The following CYP19A1 variants were observed in gnomAD, a reference collection of about 807,000 sequenced individuals.
The protein encoded by CYP19A1 is cytochrome P450 family 19 subfamily A member 1, also known as aromatase.
CYP19A1 carries 32 observed loss-of-function variants against 44.4 expected under a neutral mutation model. The observed-to-expected ratio is 0.72, with a 90% CI of 0.54 to 0.97. The LOEUF (loss-of-function observed/expected upper bound fraction) is 0.97. Among genes scored for constraint, CYP19A1 ranks in the 50% least tolerant of loss-of-function variants. The probability of loss-of-function intolerance (pLI) is 0.00; values close to 1 mark genes in which losing one functional copy is unlikely to be tolerated. For missense variants in CYP19A1, 598 were observed against 637.8 expected, an observed-to-expected ratio of 0.94 and a Z score of 0.67; for synonymous variants, 212 against 215.6, an observed-to-expected ratio of 0.98 and a Z score of 0.14.
At chr15:51,271,777 G>A (rs1433719376) in intron 1 of CYP19A1, among the ~76,000 whole-genome samples, 1 of 152,238 alleles carries the variant, frequency 6.6e-6, no homozygotes, top group Non-Finnish European at 1.5e-5. Context: ...GATTTCCAAA[G>A]ACTGATCTTC....
chr15:51,227,954 G>A, intron 3 of CYP19A1, 21 bp from the exon 4 acceptor site: 1 of 1,491,412 alleles, frequency 6.7e-7, no homozygotes, highest in South Asian at 1.1e-5. Flanking sequence ...AGGAAACTTT[G>A]GTGTCAATTT....
chr15:51,312,614 C>T (rs1191563120), intron 1 of CYP19A1: 3 of 152,310 alleles, frequency 2.0e-5, no homozygotes, highest in African/African-American at 2.4e-5. Flanking sequence ...GGCCAGGGGC[C>T]GATTATCCCA....
intron 1 of CYP19A1, among the ~76,000 whole-genome samples, chr15:51,334,931 A>T (rs566036994): frequency 1.3e-5 from 2 of 152,336 alleles, no homozygotes; most frequent in South Asian, 4.1e-4. Context: ...CTCTGGCCTG[A>T]CACAGGACAC....
At chr15:51,332,209 CCTT>C (rs746226638) in intron 1 of CYP19A1, among the ~76,000 whole-genome samples, 2 of 152,062 alleles carry the variant, frequency 1.3e-5, no homozygotes, top group South Asian at 2.1e-4. Flanking sequence ...TCTACCAGGT[CCTT>C]CTCCTTTTTG....
At chr15:51,219,228 A>C (rs993562136) in intron 5 of CYP19A1, among the ~76,000 whole-genome samples, 1 of 152,218 alleles carries the variant, frequency 6.6e-6, no homozygotes, top group African/African-American at 2.4e-5. Context: ...ATTTATATTC[A>C]GTCCAGAGTG....
At position 51,292,779 on chromosome 15, in the gene CYP19A1, G is replaced by T. The variant is rs541987571; in HGVS notation, c.-39+45716C>A. On this transcript the variant is annotated intron_variant, in intron 1 of 9. Coordinates refer to ENST00000396402, the MANE Select transcript of CYP19A1 (RefSeq NM_000103.4). ...GGTCCTGCCTATACATTTACACTGG[G>T]GGAAGGTCGGGGTCCTTCTTCATGG... is the stretch of plus-strand genomic sequence containing the variant. Among the ~76,000 whole-genome samples, 10 of 152,118 alleles carry T rather than the reference G, an allele frequency of 6.6e-5. No homozygotes were observed. In the East Asian group the frequency reaches 1.9e-3, roughly 29 times the overall value.
At chr15:51,273,767 A>G (rs2035208288) in intron 1 of CYP19A1, among the ~76,000 whole-genome samples, 1 of 152,146 alleles carries the variant, frequency 6.6e-6, no homozygotes, top group Non-Finnish European at 1.5e-5. Context: ...GCACTTTGGG[A>G]GGCCAAGGTG....
intron 1 of CYP19A1, among the ~76,000 whole-genome samples, chr15:51,322,386 C>T (rs905492102): frequency 2.6e-5 from 4 of 152,178 alleles, no homozygotes; most frequent in East Asian, 3.8e-4. Flanking sequence ...AAATTAATAG[C>T]GAGTCACTTT....
chr15:51,245,258 C>T (rs2033997719), intron 1 of CYP19A1, among the ~76,000 whole-genome samples: 1 of 152,198 alleles, frequency 6.6e-6, no homozygotes, highest in African/African-American at 2.4e-5. Context: ...TTCTCATCTT[C>T]CTCAAAAGTA....
chr15:51,241,862 C>G (rs138123227), intron 2 of CYP19A1, among the ~76,000 whole-genome samples: 200 of 152,216 alleles, frequency 1.3e-3, no homozygotes, highest in African/African-American at 4.4e-3. Flanking sequence ...TTGTGCTAGC[C>G]CCATGCTCCC....
At chr15:51,305,450 G>A (rs1295724430) in intron 1 of CYP19A1, among the ~76,000 whole-genome samples, 1 of 152,190 alleles carries the variant, frequency 6.6e-6, no homozygotes, top group Non-Finnish European at 1.5e-5. Context: ...ACAGGGATGT[G>A]GGATGATGGC....
intron 1 of CYP19A1, among the ~76,000 whole-genome samples, chr15:51,273,931 C>T (rs958975556): frequency 2.0e-4 from 31 of 152,184 alleles, no homozygotes; most frequent in African/African-American, 5.1e-4. Context: ...TGCTTGAACC[C>T]GAGAGACGGA....
At chr15:51,326,679 C>T (rs2036613089) in intron 1 of CYP19A1, among the ~76,000 whole-genome samples, 1 of 152,022 alleles carries the variant, frequency 6.6e-6, no homozygotes, top group South Asian at 2.1e-4. Context: ...TTTTTAAATT[C>T]ATTGGCCAGT....
At chr15:51,274,798 T>A (rs1400097800) in intron 1 of CYP19A1, among the ~76,000 whole-genome samples, 1 of 151,984 alleles carries the variant, frequency 6.6e-6, no homozygotes, top group African/African-American at 2.4e-5. Context: ...AGAAGAAGAT[T>A]TTTTTTTAAT....
At chr15:51,267,986 A>C (rs1353630731) in intron 1 of CYP19A1, among the ~76,000 whole-genome samples, 3 of 152,180 alleles carry the variant, frequency 2.0e-5, no homozygotes, top group Admixed American at 2.0e-4. Flanking sequence ...GATAAATATG[A>C]AAGCAAAGTA....
chr15:51,213,930 A>T (rs960278430), intron 8 of CYP19A1, among the ~76,000 whole-genome samples: 2 of 152,208 alleles, frequency 1.3e-5, no homozygotes, highest in Non-Finnish European at 2.9e-5. Flanking sequence ...TCAAGAAAAC[A>T]TGCTGGAATT....
intron 8 of CYP19A1, among the ~76,000 whole-genome samples, chr15:51,213,545 A>G (rs752243047): frequency 3.9e-5 from 6 of 152,124 alleles, no homozygotes; most frequent in African/African-American, 9.7e-5. Flanking sequence ...TGGGAGGTAG[A>G]AAAGAAGATG....
chr15:51,296,978 G>T (rs1011481855), intron 1 of CYP19A1, among the ~76,000 whole-genome samples: 1 of 152,284 alleles, frequency 6.6e-6, no homozygotes, highest in South Asian at 2.1e-4. Flanking sequence ...CAGTTGGATT[G>T]CGAACTGTTT....
intron 1 of CYP19A1, among the ~76,000 whole-genome samples, chr15:51,306,045 G>C (rs1052090036): frequency 2.6e-5 from 4 of 152,292 alleles, no homozygotes; most frequent in African/African-American, 9.6e-5. Flanking sequence ...TTGAAATATA[G>C]TCAAGCAAAG....
Sources: allele counts gnomAD v4.1 joint callset (sites outside exome capture counted in the v4.1 genomes callset), GRCh38; gene constraint gnomAD v4.1.1; transcripts MANE v1.5; gene names NCBI Gene and HGNC (gene_info 2026-07-23, HGNC 2026-07-21).